The following KIF14 variants were observed in gnomAD, a reference collection of about 807,000 sequenced individuals.
KIF14 encodes kinesin-like protein KIF14.
In KIF14, 98 loss-of-function variants were observed where a neutral mutation model predicts 176.2. The observed-to-expected ratio is 0.56, with a 90% CI of 0.47 to 0.66. The LOEUF is 0.66. Ranked by LOEUF, KIF14 falls within the 30% of genes least tolerant of loss-of-function variation. The pLI is 0.00. For synonymous variants in KIF14, 566 were observed against 632.2 expected, an observed-to-expected ratio of 0.90 and a Z score of 1.57; for missense variants, 1,751 against 1,920.4, an observed-to-expected ratio of 0.91 and a Z score of 1.65.
intron 23 of KIF14, among the ~76,000 whole-genome samples, chr1:200,568,170 G>A (rs966538900): frequency 1.3e-5 from 2 of 152,030 alleles, no homozygotes; most frequent in Admixed American, 6.6e-5. Flanking sequence ...CTGCCCAGAC[G>A]GGGTCCTACT....
intron 12 of KIF14, 118 bp downstream of exon 12, chr1:200,600,238 T>A (rs750826248): frequency 2.5e-6 from 3 of 1,206,086 alleles, no homozygotes; most frequent in Non-Finnish European, 3.6e-6. Context: ...AATCTGGGAG[T>A]GGGCTGCTCT....
Position 200,589,348 on chromosome 1 carries a change from T to G in KIF14, c.2983A>C (p.Lys995Gln). ...AELREESQRK[K>Q]MQEINNQKAN... ...TTCTGGTTATTTATTTCCTGCATTTTTTTCCTTTGAGACTCTTCTCTCTTT... is the reference window on the plus strand; with the variant it reads ...TTCTGGTTATTTATTTCCTGCATTTGTTTCCTTTGAGACTCTTCTCTCTTT... Residue 995 changes from lysine (K) to glutamine (Q), a missense_variant, in exon 18 of 30, where the codon AAA (lysine) becomes CAA (glutamine). Lys to Gln is a moderately conservative substitution (Grantham distance 53). Coordinates refer to ENST00000367350, the MANE Select transcript of KIF14 (RefSeq NM_014875.3). 1 of 1,609,568 alleles carries G rather than the reference T, an allele frequency of 6.2e-7. No individual in the cohort carries two copies.
chr1:200,557,995 G>A (rs757843141), intron 27 of KIF14, among the ~76,000 whole-genome samples: 3 of 152,136 alleles, frequency 2.0e-5, no homozygotes, highest in Admixed American at 6.5e-5. Context: ...TTGCTCTGTC[G>A]CCCAGGCTGA....
intron 23 of KIF14, among the ~76,000 whole-genome samples, chr1:200,568,348 T>C (rs531189286): frequency 6.6e-5 from 10 of 152,230 alleles, no homozygotes; most frequent in African/African-American, 2.4e-4. Context: ...TGCTGATAAA[T>C]AAAAAACCCA....
chr1:200,554,529 T>G lies in KIF14; in HGVS notation c.4506A>C (p.Glu1502Asp). The G allele has an allele frequency of 1.3e-6, 2 of 1,555,336 alleles. No homozygotes were observed. Among genetic ancestry groups the G allele is most frequent in the Non-Finnish European group, 1.8e-6 (2 of 1,128,932 alleles). Reference sequence around the variant, plus strand: ...CTAAGCAATGTTTTAACTTTAAGAATTCTGGAGCACGATTAACCATCCTCT... The same window carrying G: ...CTAAGCAATGTTTTAACTTTAAGAAGTCTGGAGCACGATTAACCATCCTCT... Reference protein sequence around the residue: ...DFKRMVNRAPEFLKLKHCLEK... With the variant: ...DFKRMVNRAPDFLKLKHCLEK... The change falls in exon 29 of 30, where the codon GAA (glutamate) becomes GAC (aspartate). Residue 1502 changes from glutamate to aspartate, a missense_variant. By Grantham distance (45) the Glu-to-Asp change is conservative (BLOSUM62 2). Transcript: ENST00000367350.
At position 200,615,471 on chromosome 1, in the gene KIF14, G is replaced by C. The variant is rs199789511; in HGVS notation, c.1251C>G (p.Tyr417Ter). Residue 417 changes from tyrosine (Y) to a stop codon, truncating the protein, a stop_gained, in exon 3 of 30, where the codon TAC becomes TAG. Transcript: ENST00000367350. LOFTEE classifies it high-confidence loss of function. ...TCTCATAGACAGTTGTCTGGCTAGC[G>C]TAGTGAGGATGACATTCATCAAAAG... ...FWSFDECHPH[Y>*]ASQTTVYEKL... 1 of 1,614,102 alleles carries C rather than the reference G, an allele frequency of 6.2e-7. No individual in the cohort carries two copies. The highest frequency in any genetic ancestry group is 1.1e-5 in the South Asian group (1 of 91,070).
At position 200,613,958 on chromosome 1, in the gene KIF14, G is replaced by A. The variant is rs143830872; in HGVS notation, c.1455+360C>T. The stretch of plus-strand genomic sequence containing the variant: ...AATTTCACTACTCTTTCTGATTCAC[G>A]TTGTCCAAAAGGTTATGCCTGCTGT... On this transcript the variant is annotated intron_variant, in intron 4 of 29. Coordinates refer to ENST00000367350, the MANE Select transcript of KIF14 (RefSeq NM_014875.3). 1.5e-3 allele frequency among the ~76,000 whole-genome samples: 232 copies of A among 152,266 alleles called. 1 individual carries two copies. Among genetic ancestry groups the A allele is most frequent in the African/African-American group, 5.4e-3 (224 of 41,556 alleles).
chr1:200,603,665 A>G lies in KIF14; in HGVS notation c.1863+174T>C, dbSNP rs184825799. On this transcript the variant is annotated intron_variant, in intron 9 of 29. Transcript: ENST00000367350. ...CTTATGACTCAAACGTATTTTCTTT[A>G]AAAATTAATCATAACCAAAAAGTAC... 2.8e-4 allele frequency among the ~76,000 whole-genome samples: 43 copies of G among 152,294 alleles called. No homozygotes were observed. The East Asian group carries it at 7.9e-3, about 28-fold the overall frequency.
At chr1:200,600,576 C>G in intron 11 of KIF14, 73 bp from the exon 12 acceptor site, 2 of 1,027,836 alleles carry the variant, frequency 1.9e-6, no homozygotes, top group Non-Finnish European at 2.9e-6. Flanking sequence ...GCATAATCCT[C>G]CAATCTTCTA....
At position 200,617,718 on chromosome 1, in the gene KIF14, G is replaced by T. The variant is rs371740598; in HGVS notation, c.1006C>A (p.Pro336Thr). Residue 336 changes from proline to threonine, a missense_variant, in exon 2 of 30, where the codon CCC (proline) becomes ACC (threonine). Physicochemically the swap from Pro to Thr is conservative, Grantham distance 38. Coordinates refer to ENST00000367350, the MANE Select transcript of KIF14 (RefSeq NM_014875.3). ...TTCTGAACTACAGTTTCTTCTTCGG[G>T]AAGAATTGTATTTTCTGCGGATCTT... is the stretch of plus-strand genomic sequence containing the variant. ...QERSAENTIL[P>T]EEETVVQNTS... 15 of 1,614,046 alleles carry T rather than the reference G, an allele frequency of 9.3e-6. No individual in the cohort carries two copies. The highest frequency in any genetic ancestry group is 1.2e-5 in the Non-Finnish European group (14 of 1,180,026).
intron 4 of KIF14, among the ~76,000 whole-genome samples, chr1:200,609,485 C>T (rs1291812378): frequency 1.3e-5 from 2 of 152,132 alleles, no homozygotes; most frequent in African/African-American, 2.4e-5. Context: ...CACACCTCTA[C>T]TAAAAATACA....
At chr1:200,607,529 C>T (rs1462045083) in intron 5 of KIF14, among the ~76,000 whole-genome samples, 2 of 152,088 alleles carry the variant, frequency 1.3e-5, no homozygotes, top group East Asian at 3.8e-4. Flanking sequence ...AAAACATATT[C>T]GTTAAATTTC....
intron 7 of KIF14, 39 bp downstream of exon 7, chr1:200,605,825 T>G: frequency 8.1e-7 from 1 of 1,237,372 alleles, no homozygotes; most frequent in Non-Finnish European, 1.1e-6. Context: ...AGGATTATGC[T>G]CTTTCTATCT....
At position 200,565,536 on chromosome 1, in the gene KIF14, G is replaced by C; in HGVS notation, c.3795C>G (p.Asp1265Glu). Residue 1265 changes from aspartate to glutamate, a missense_variant, in exon 24 of 30, where the codon GAC (aspartate) becomes GAG (glutamate). By Grantham distance (45) the Asp-to-Glu change is conservative (BLOSUM62 2). Transcript: ENST00000367350. ...QSYDEERTIA[D>E]SLINSFLKIY... is the part of the protein sequence containing the mutation. Reference sequence around the variant, plus strand: ...TTTTAAGAAAACTATTAATTAGGCTGTCTGCTATAGTTCTTTCTTCATCAT... The same window carrying C: ...TTTTAAGAAAACTATTAATTAGGCTCTCTGCTATAGTTCTTTCTTCATCAT... 1 of 1,611,034 alleles carries C rather than the reference G, an allele frequency of 6.2e-7. No homozygotes were observed.
chr1:200,589,538 T>C (rs993701926), intron 17 of KIF14, among the ~76,000 whole-genome samples, 169 bp from the exon 18 acceptor site: 8 of 41,224 alleles, frequency 1.9e-4, no homozygotes, highest in African/African-American at 8.6e-4. Flanking sequence ...GAGTATTATC[T>C]AAAATGGGCT....
intron 14 of KIF14, among the ~76,000 whole-genome samples, chr1:200,596,491 T>C (rs569529063): frequency 1.2e-4 from 18 of 151,224 alleles, no homozygotes; most frequent in African/African-American, 3.9e-4. Context: ...ATAACTTAAA[T>C]GTGAAAGCAA....
At position 200,551,819 on chromosome 1, in the gene KIF14, C is replaced by A. The variant is rs567351537; in HGVS notation, c.*1569G>T. Reference sequence around the variant, plus strand: ...TGTACATCTACACTCCAGCAAACTGCACAGGCAAAGTGCTACTTGCCAGAT... The same window carrying A: ...TGTACATCTACACTCCAGCAAACTGAACAGGCAAAGTGCTACTTGCCAGAT... On this transcript the variant is annotated 3_prime_UTR_variant, in exon 30 of 30. Coordinates refer to ENST00000367350, the MANE Select transcript of KIF14 (RefSeq NM_014875.3). 81 of 152,344 alleles carry A rather than the reference C, an allele frequency of 5.3e-4. No individual in the cohort carries two copies. The highest frequency in any genetic ancestry group is 1.3e-3 in the African/African-American group (56 of 41,576). The allele number at this position is 152,344 out of a possible 1,614,324, so 9.4% of individuals were successfully genotyped here. A position where few individuals can be genotyped will look rare whatever the true frequency, so the allele number is the denominator to read the frequency against.
At position 200,618,414 on chromosome 1, in the gene KIF14, C is replaced by A. The variant is rs767112404; in HGVS notation, c.310G>T (p.Val104Phe). 2.8e-5 allele frequency: 46 copies of A among 1,614,064 alleles called. No individual in the cohort carries two copies. The highest frequency in any genetic ancestry group is 3.8e-5 in the Non-Finnish European group (45 of 1,180,020). The change falls in exon 2 of 30, where the codon GTT becomes TTT. Residue 104 changes from valine (V) to phenylalanine (F), a missense_variant. Physicochemically the swap from Val to Phe is conservative, Grantham distance 50. Transcript: ENST00000367350. ...TCAGTTGTGTCTTCCAACTCACTAA[C>A]AAGCAAAGATGATTCTTTGTTCCTT... ...TTRNKESSLL[V>F]SELEDTTEKT...
intron 19 of KIF14, among the ~76,000 whole-genome samples, chr1:200,585,239 CAA>C (rs759023980): frequency 1.4e-4 from 13 of 91,204 alleles, no homozygotes; most frequent in Admixed American, 1.2e-4. Flanking sequence ...GTCCTCATGA[CAA>C]AAAAAAAAAA....
Sources: gnomAD v4.1 joint callset for allele counts (sites outside exome capture counted in the v4.1 genomes callset) on GRCh38, gnomAD v4.1.1 for gene constraint, MANE v1.5 for transcripts, NCBI Gene and HGNC (gene_info 2026-07-23, HGNC 2026-07-21) for gene names.